GRIN2A: variants seen among roughly 807,000 people sequenced by gnomAD.
GRIN2A encodes the protein glutamate ionotropic receptor NMDA type subunit 2A.
GRIN2A carries 22 observed loss-of-function variants against 113.4 expected under a neutral mutation model. That is an observed-to-expected ratio of 0.19 (90% CI 0.14 to 0.28). The LOEUF (loss-of-function observed/expected upper bound fraction) is 0.28, where lower values mean the gene tolerates loss of function less well. Among genes scored for constraint, GRIN2A ranks in the 10% least tolerant of loss-of-function variants. The pLI, the probability that GRIN2A is intolerant of heterozygous loss-of-function variation, is 1.00. For missense variants in GRIN2A, 1,502 were observed against 1,887.0 expected (o/e 0.80, Z 3.78); for synonymous variants, 827 against 738.4 (o/e 1.12, Z -1.94).
intron 7 of GRIN2A, among the ~76,000 whole-genome samples, chr16:9,840,268 G>C (rs539265994): frequency 6.6e-6 from 1 of 152,270 alleles, no homozygotes; most frequent in East Asian, 1.9e-4. Context: ...TGTGAGAGAA[G>C]TGAAGCGAAG....
At chr16:9,838,456 C>A (rs575314885) in intron 7 of GRIN2A, among the ~76,000 whole-genome samples, 2 of 152,272 alleles carry the variant, frequency 1.3e-5, no homozygotes, top group Non-Finnish European at 2.9e-5. Context: ...TTGTGGAATA[C>A]TACTCAGCCA....
At chr16:9,834,361 G>C in intron 7 of GRIN2A, 131 bp from the exon 8 acceptor site, 1 of 816,552 alleles carries the variant, frequency 1.2e-6, no homozygotes, top group Non-Finnish European at 2.1e-6. Context: ...TCCTTCAAAA[G>C]AAGCTAATCA....
intron 2 of GRIN2A, among the ~76,000 whole-genome samples, chr16:10,143,065 G>T (rs143477102): frequency 6.6e-6 from 1 of 152,136 alleles, no homozygotes; most frequent in East Asian, 1.9e-4. Context: ...TAGATTTGCC[G>T]GTCTTAATTG....
intron 2 of GRIN2A, among the ~76,000 whole-genome samples, chr16:10,159,814 A>G (rs1244949738): frequency 6.6e-6 from 1 of 152,224 alleles, no homozygotes; most frequent in Non-Finnish European, 1.5e-5. Flanking sequence ...GCCTAACTCA[A>G]AGCTCCACAT....
intron 9 of GRIN2A, among the ~76,000 whole-genome samples, chr16:9,828,639 T>G (rs1430165011): frequency 1.3e-5 from 2 of 152,178 alleles, no homozygotes; most frequent in Non-Finnish European, 2.9e-5. Flanking sequence ...AATAGGAGGA[T>G]GCACCCAGTT....
intron 2 of GRIN2A, among the ~76,000 whole-genome samples, chr16:10,122,314 G>T (rs902135886): frequency 6.6e-6 from 1 of 152,176 alleles, no homozygotes; most frequent in Non-Finnish European, 1.5e-5. Context: ...TTTGCAGTTT[G>T]TTAAAGCTGG....
intron 4 of GRIN2A, among the ~76,000 whole-genome samples, chr16:9,880,260 C>G (rs1368464387): frequency 2.0e-5 from 3 of 152,120 alleles, no homozygotes; most frequent in Non-Finnish European, 4.4e-5. Context: ...CCTAGAGGCC[C>G]CTGCATTCCT....
chr16:10,126,507 G>T (rs573002285), intron 2 of GRIN2A, among the ~76,000 whole-genome samples: 1 of 152,032 alleles, frequency 6.6e-6, no homozygotes, highest in East Asian at 1.9e-4. Context: ...TATTGGCAGG[G>T]TTTACTATTT....
rs1467347274 is a variant in GRIN2A at position 10,067,407 on chromosome 16, GT to G, written c.414+112590del. Among the ~76,000 whole-genome samples, 5 of 152,194 alleles carry G rather than the reference GT, an allele frequency of 3.3e-5. 1 individual carries two copies. The highest frequency in any genetic ancestry group is 3.3e-4 in the Admixed American group (5 of 15,286). ...TTTATCTCATGCTGAACAATTAGATGTGCTATTTAGGCAAAATAAAAAATAT... is the reference window on the plus strand; with the variant it reads ...TTTATCTCATGCTGAACAATTAGATGGCTATTTAGGCAAAATAAAAAATAT... On this transcript the variant is annotated intron_variant, in intron 2 of 12. Coordinates refer to ENST00000330684, the MANE Select transcript of GRIN2A (RefSeq NM_001134407.3).
intron 7 of GRIN2A, among the ~76,000 whole-genome samples, chr16:9,838,548 G>C (rs2042620518): frequency 6.6e-6 from 1 of 152,170 alleles, no homozygotes; most frequent in African/African-American, 2.4e-5. Context: ...TAGTCATCTA[G>C]CAAATAAATG....
At chr16:10,104,748 A>G (rs1156977074) in intron 2 of GRIN2A, among the ~76,000 whole-genome samples, 1 of 152,192 alleles carries the variant, frequency 6.6e-6, no homozygotes, top group Non-Finnish European at 1.5e-5. Flanking sequence ...AAAAATCAGT[A>G]CAACAATCCC....
chr16:10,023,521 A>G (rs927139006), intron 2 of GRIN2A, among the ~76,000 whole-genome samples: 4 of 152,246 alleles, frequency 2.6e-5, no homozygotes, highest in Non-Finnish European at 4.4e-5. Flanking sequence ...TTCGAACACC[A>G]ATATGAGCCC....
At chr16:9,973,536 A>G (rs1403257582) in intron 2 of GRIN2A, among the ~76,000 whole-genome samples, 6 of 152,234 alleles carry the variant, frequency 3.9e-5, no homozygotes, top group Admixed American at 1.3e-4. Flanking sequence ...CCAAAAAGAA[A>G]TTTGGTGAAA....
chr16:9,932,317 T>C (rs1290545176), intron 3 of GRIN2A, among the ~76,000 whole-genome samples: 1 of 152,222 alleles, frequency 6.6e-6, no homozygotes, highest in African/African-American at 2.4e-5. Context: ...AATGGTAATA[T>C]CATGGGCTAT....
Position 9,760,135 on chromosome 16 carries a change from A to T in GRIN2A, c.*3014T>A. The T allele has an allele frequency of 4.4e-6, 1 of 225,204 alleles. No individual in the cohort carries two copies. The highest frequency in any genetic ancestry group is 2.2e-5 in the African/African-American group (1 of 45,030). The allele number at this position is 225,204 out of a possible 1,614,324, so 14.0% of individuals were successfully genotyped here. The stretch of plus-strand genomic sequence containing the variant: ...TGTGTTCAGAAATTTGGGCTCCTTG[A>T]CATCAACAAATCTAAGAACTCAGAG... On this transcript the variant is annotated 3_prime_UTR_variant, in exon 13 of 13. Transcript: ENST00000330684.
chr16:9,909,276 A>C (rs1219370837), intron 3 of GRIN2A, among the ~76,000 whole-genome samples: 1 of 152,184 alleles, frequency 6.6e-6, no homozygotes, highest in African/African-American at 2.4e-5. Context: ...ATTACCTCCC[A>C]CCAGGTCCTT....
chr16:10,126,459 C>G (rs1325367755), intron 2 of GRIN2A, among the ~76,000 whole-genome samples: 1 of 152,120 alleles, frequency 6.6e-6, no homozygotes, highest in Admixed American at 6.6e-5. Context: ...GAGCCAGTGC[C>G]CAGCCAGTTT....
chr16:9,888,803 T>A (rs942855146), intron 4 of GRIN2A, among the ~76,000 whole-genome samples: 19 of 152,026 alleles, frequency 1.2e-4, no homozygotes, highest in African/African-American at 4.6e-4. Context: ...GAATTTACCA[T>A]CTTTATCATA....
chr16:10,067,897 A>T (rs1315131024), intron 2 of GRIN2A, among the ~76,000 whole-genome samples: 1 of 152,218 alleles, frequency 6.6e-6, no homozygotes, highest in African/African-American at 2.4e-5. Flanking sequence ...TGTGGTCCCA[A>T]ATGTCATGAT....
Sources: allele counts gnomAD v4.1 joint callset (sites outside exome capture counted in the v4.1 genomes callset), GRCh38; gene constraint gnomAD v4.1.1; transcripts MANE v1.5; gene names NCBI Gene and HGNC (gene_info 2026-07-23, HGNC 2026-07-21).